Variants in GABRA5 observed in about 807,000 individuals in gnomAD.
GABRA5 encodes the protein gamma-aminobutyric acid receptor subunit alpha-5.
GABRA5 carries 18 observed loss-of-function variants against 47.3 expected under a neutral mutation model. The observed-to-expected ratio is 0.38, with a 90% CI of 0.26 to 0.56. The LOEUF (loss-of-function observed/expected upper bound fraction) is 0.56. Among genes scored for constraint, GABRA5 ranks in the 20% least tolerant of loss-of-function variants. The probability of loss-of-function intolerance (pLI) is 0.71; values close to 1 mark genes in which losing one functional copy is unlikely to be tolerated. For synonymous variants in GABRA5, 237 were observed against 229.3 expected, an observed-to-expected ratio of 1.03 and a Z score of -0.30; for missense variants, 365 against 599.3, an observed-to-expected ratio of 0.61 and a Z score of 4.08.
chr15:26,910,116 T>G (rs1160184592), intron 6 of GABRA5, among the ~76,000 whole-genome samples: 1 of 152,036 alleles, frequency 6.6e-6, no homozygotes, highest in Non-Finnish European at 1.5e-5. Context: ...CCAGATTGGT[T>G]AGGCAGTTTT....
rs1894562538 is a variant in GABRA5, at chr15:26,948,223, C to G, written c.1379C>G (p.Ser460Cys). 6.2e-7 allele frequency: 1 copy of G among 1,611,360 alleles called. No homozygotes were observed. Among genetic ancestry groups the G allele is most frequent in the African/African-American group, 1.3e-5 (1 of 74,900 alleles). The change falls in exon 11 of 11, where the codon TCT (serine) becomes TGT (cysteine). Residue 460 changes from serine (S) to cysteine (C), a missense_variant. Coordinates refer to ENST00000335625, the MANE Select transcript of GABRA5 (RefSeq NM_000810.4). ...GAGCCGGTGATAAAAGGAGCCGCCT[C>G]TCCAAAATAACCGGCCACACTCCCA... ...NREPVIKGAA[S>C]PK
At chr15:26,911,911 C>T (rs1436282875) in intron 6 of GABRA5, among the ~76,000 whole-genome samples, 1 of 152,108 alleles carries the variant, frequency 6.6e-6, no homozygotes, top group African/African-American at 2.4e-5. Flanking sequence ...CCATATCCAC[C>T]CTGACGATGG....
chr15:26,895,684 T>G (rs1167250593), intron 6 of GABRA5, among the ~76,000 whole-genome samples: 1 of 151,344 alleles, frequency 6.6e-6, no homozygotes, highest in Non-Finnish European at 1.5e-5. Context: ...ATGGTGGCAC[T>G]CGCCTGTAAT....
chr15:26,880,402 A>C (rs1044996802), intron 3 of GABRA5: 2 of 153,396 alleles, frequency 1.3e-5, no homozygotes, highest in Non-Finnish European at 1.5e-5. Flanking sequence ...ACAACCTCGG[A>C]AAGTTTCTCA....
intron 6 of GABRA5, among the ~76,000 whole-genome samples, chr15:26,913,220 G>T (rs1489253806): frequency 5.3e-5 from 8 of 150,894 alleles, no homozygotes; most frequent in Non-Finnish European, 1.5e-5. Context: ...TTGCCTGAAT[G>T]TGAGACTTTT....
intron 8 of GABRA5, 149 bp from the exon 9 acceptor site, chr15:26,939,776 C>A: frequency 1.4e-6 from 1 of 697,756 alleles, no homozygotes; most frequent in Admixed American, 2.7e-5. Context: ...ATTCATGCAT[C>A]CTCCTGTGTC....
intron 6 of GABRA5, among the ~76,000 whole-genome samples, chr15:26,906,460 G>A (rs1893446620): frequency 6.6e-6 from 1 of 152,108 alleles, no homozygotes; most frequent in African/African-American, 2.4e-5. Flanking sequence ...AAAACTTTGG[G>A]TCTTTTTAGG....
At chr15:26,912,320 C>T (rs182131760) in intron 6 of GABRA5, among the ~76,000 whole-genome samples, 11 of 152,326 alleles carry the variant, frequency 7.2e-5, no homozygotes, top group Admixed American at 6.5e-4. Flanking sequence ...TCCTCAAGAA[C>T]ACATCTGACC....
Position 26,914,880 on chromosome 15 carries a change from G to A in GABRA5, c.575G>A (p.Gly192Asp). The stretch of plus-strand genomic sequence containing the variant: ...GCGCACGCTTGCCCTCTGAAATTTG[G>A]CAGCTGTAAGTTATTTTCACAAGTA... ...MDAHACPLKF[G>D]SYAYPNSEVV... Residue 192 changes from glycine to aspartate, a missense_variant, in exon 7 of 11, where the codon GGC becomes GAC. Around this residue, in one of 3 missense-constraint regions of GABRA5, gnomAD observed 216 missense variants for 335.3 expected, o/e 0.64. Transcript: ENST00000335625. 6.2e-7 allele frequency: 1 copy of A among 1,613,590 alleles called. No homozygotes were observed. The highest frequency in any genetic ancestry group is 8.5e-7 in the Non-Finnish European group (1 of 1,179,556).
rs183162381 is a variant in GABRA5, at chr15:26,942,468, C to T, written c.878-747C>T. The stretch of plus-strand genomic sequence containing the variant: ...TCTCTGGCTCTTACAAGTCTGCAGT[C>T]GGGTGAAAGTCTGTCTCACCTGTTT... On this transcript the variant is annotated intron_variant, in intron 9 of 10. Transcript: ENST00000335625. Among the ~76,000 whole-genome samples the T allele has an allele frequency of 6.6e-5, 10 of 152,320 alleles. No individual in the cohort carries two copies. In the East Asian group the frequency reaches 1.4e-3, roughly 21 times the overall value.
chr15:26,901,512 C>T (rs1893326719), intron 6 of GABRA5, among the ~76,000 whole-genome samples: 2 of 152,028 alleles, frequency 1.3e-5, no homozygotes, highest in African/African-American at 4.8e-5. Context: ...GGGTTGTTTT[C>T]TTATGACTGA....
At chr15:26,908,399 T>G (rs1351936045) in intron 6 of GABRA5, among the ~76,000 whole-genome samples, 1 of 152,074 alleles carries the variant, frequency 6.6e-6, no homozygotes, top group Non-Finnish European at 1.5e-5. Context: ...TGCACAGACT[T>G]GCAGCTATGA....
intron 6 of GABRA5, among the ~76,000 whole-genome samples, chr15:26,907,296 C>T (rs984260632): frequency 1.3e-5 from 2 of 152,162 alleles, no homozygotes; most frequent in Admixed American, 1.3e-4. Context: ...ATTTGAAAGA[C>T]TTTAAAATTT....
At chr15:26,882,328 A>G (rs1892748510) in intron 4 of GABRA5, among the ~76,000 whole-genome samples, 1 of 152,134 alleles carries the variant, frequency 6.6e-6, no homozygotes, top group Non-Finnish European at 1.5e-5. Flanking sequence ...CATACAACAC[A>G]CAGCATCACA....
intron 6 of GABRA5, among the ~76,000 whole-genome samples, chr15:26,893,413 G>GTA (rs1566870531): frequency 1.3e-4 from 1 of 7,808 alleles, no homozygotes. Flanking sequence ...TGTTGTGTGT[G>GTA]TTGTGTGTGT....
At chr15:26,893,903 C>T (rs1010811343) in intron 6 of GABRA5, among the ~76,000 whole-genome samples, 2 of 152,090 alleles carry the variant, frequency 1.3e-5, no homozygotes, top group African/African-American at 4.8e-5. Flanking sequence ...GCGGCGGCAG[C>T]CGGTCAAGGG....
At chr15:26,939,452 C>A (rs758367167) in intron 8 of GABRA5, 2 of 760,796 alleles carry the variant, frequency 2.6e-6, no homozygotes, top group Admixed American at 1.7e-5. Context: ...TCTGCACCTG[C>A]GACACAGCCA....
intron 6 of GABRA5, among the ~76,000 whole-genome samples, chr15:26,911,013 G>C (rs530292996): frequency 6.6e-6 from 1 of 152,250 alleles, no homozygotes; most frequent in African/African-American, 2.4e-5. Context: ...TATTATAAAA[G>C]CATAGGCCAT....
chr15:26,871,538 C>T (rs933535912), intron 3 of GABRA5, among the ~76,000 whole-genome samples: 3 of 152,094 alleles, frequency 2.0e-5, no homozygotes, highest in Admixed American at 6.6e-5. Flanking sequence ...AAAACAGCAC[C>T]GACTAATTGC....
Sources: allele counts gnomAD v4.1 joint callset (sites outside exome capture counted in the v4.1 genomes callset), GRCh38; gene constraint gnomAD v4.1.1; regional missense constraint gnomAD v4.1.1; transcripts MANE v1.5; gene names NCBI Gene and HGNC (gene_info 2026-07-23, HGNC 2026-07-21).